Variants in KIAA1671 observed in about 807,000 individuals in gnomAD.
The protein encoded by KIAA1671 is KIAA1671.
In KIAA1671, 52 loss-of-function variants were observed where a neutral mutation model predicts 131.2. The ratio of observed to expected loss-of-function variants is 0.40; its 90% CI spans 0.32 to 0.50. KIAA1671 has a LOEUF of 0.50. Ranked by LOEUF, KIAA1671 falls within the 20% of genes least tolerant of loss-of-function variation. The pLI is 0.73. For missense variants in KIAA1671, 2,360 were observed against 2,364.2 expected (o/e 1.00, Z 0.04); for synonymous variants, 1,003 against 961.6 (o/e 1.04, Z -0.80).
rs1362066924 is a variant in KIAA1671 at position 25,029,085 on chromosome 22, G to C, written c.1086G>C (p.Pro362=). 6.7e-7 allele frequency: 1 copy of C among 1,494,628 alleles called. No homozygotes were observed. Among genetic ancestry groups the C allele is most frequent in the Non-Finnish European group, 8.9e-7 (1 of 1,119,798 alleles). 92.6% of individuals were successfully genotyped at this position (1,494,628 alleles called of 1,614,324 possible). A position where few individuals can be genotyped will look rare whatever the true frequency, so the allele number is the denominator to read the frequency against. The change falls in exon 3 of 13, where the codon CCG becomes CCC. Residue 362 remains proline (P), a synonymous_variant. Coordinates refer to ENST00000358431, the MANE Select transcript of KIAA1671 (RefSeq NM_001145206.2). The part of the protein sequence containing the change: ...RERKEKMLSK[P]EMGSPRALVG... ...GGAAGGAGAAGATGCTTTCGAAGCCGGAGATGGGCAGCCCCAGAGCCCTGG... is the reference window on the plus strand; with the variant it reads ...GGAAGGAGAAGATGCTTTCGAAGCCCGAGATGGGCAGCCCCAGAGCCCTGG...
intron 6 of KIAA1671, among the ~76,000 whole-genome samples, chr22:25,153,369 G>A (rs1933113379): frequency 6.6e-6 from 1 of 152,174 alleles, no homozygotes; most frequent in Non-Finnish European, 1.5e-5. Flanking sequence ...ATGGAATGGG[G>A]TGCTACTGAC....
intron 6 of KIAA1671, chr22:25,052,331 T>G (rs1203208968): frequency 6.6e-6 from 1 of 152,270 alleles, no homozygotes; most frequent in African/African-American, 2.4e-5. Flanking sequence ...CTGATTTGCA[T>G]AGCCCTGCCC....
At chr22:25,045,921 A>G (rs1927202025) in intron 5 of KIAA1671, among the ~76,000 whole-genome samples, 3 of 151,650 alleles carry the variant, frequency 2.0e-5, no homozygotes, top group Non-Finnish European at 2.9e-5. Context: ...GTTGCGAAGT[A>G]TTGTATTATG....
At chr22:25,098,818 C>G (rs911524067) in intron 6 of KIAA1671, among the ~76,000 whole-genome samples, 5 of 152,220 alleles carry the variant, frequency 3.3e-5, no homozygotes, top group Non-Finnish European at 7.3e-5. Context: ...GCCCCATTCC[C>G]TGCCCTCTCC....
chr22:25,093,837 T>TCTCTCTCTCTCC, intron 6 of KIAA1671, among the ~76,000 whole-genome samples: 1 of 71,328 alleles, frequency 1.4e-5, no homozygotes, highest in African/African-American at 6.4e-5. Flanking sequence ...TCTCTCTGTC[T>TCTCTCTCTCTCC]GTCTCTCTCT....
intron 5 of KIAA1671, among the ~76,000 whole-genome samples, chr22:25,043,932 C>T (rs913487677): frequency 1.3e-5 from 2 of 152,214 alleles, no homozygotes; most frequent in South Asian, 4.1e-4. Context: ...TCCCTGCACC[C>T]GAGTTTTCTT....
intron 6 of KIAA1671, among the ~76,000 whole-genome samples, chr22:25,130,495 A>G (rs1425806564): frequency 6.6e-6 from 1 of 152,246 alleles, no homozygotes; most frequent in Admixed American, 6.5e-5. Context: ...ATATAAATGT[A>G]TGAGATACAA....
At chr22:25,149,328 A>C (rs986681831) in intron 6 of KIAA1671, among the ~76,000 whole-genome samples, 1 of 152,208 alleles carries the variant, frequency 6.6e-6, no homozygotes, top group African/African-American at 2.4e-5. Context: ...CATGGTCTGC[A>C]TCTGACGTCC....
intron 1 of KIAA1671, among the ~76,000 whole-genome samples, chr22:24,959,663 A>G (rs1332556072): frequency 6.6e-6 from 1 of 152,224 alleles, no homozygotes; most frequent in East Asian, 1.9e-4. Context: ...GAAAAATTCA[A>G]AAGATCACCT....
intron 7 of KIAA1671, among the ~76,000 whole-genome samples, chr22:25,172,331 C>A (rs978444135): frequency 6.6e-6 from 1 of 152,166 alleles, no homozygotes; most frequent in African/African-American, 2.4e-5. Flanking sequence ...ATGCAACTTC[C>A]CCTCCTCGGG....
chr22:25,176,431 A>T (rs1279449913), intron 8 of KIAA1671: 1 of 152,218 alleles, frequency 6.6e-6, no homozygotes. Context: ...GCTTGCCGGA[A>T]AGAGCTCTTG....
intron 11 of KIAA1671, among the ~76,000 whole-genome samples, chr22:25,189,141 T>G (rs564506302): frequency 0.024 from 3,585 of 149,462 alleles, 50 homozygotes; most frequent in Non-Finnish European, 0.04. Context: ...TTTTTTTTTT[T>G]TTTTGTTTTG....
chr22:24,980,530 A>G (rs1923175570), intron 1 of KIAA1671, among the ~76,000 whole-genome samples: 4 of 151,846 alleles, frequency 2.6e-5, no homozygotes, highest in Admixed American at 2.6e-4. Flanking sequence ...TTGGCCTCCC[A>G]TAGTGCTAGG....
chr22:24,979,667 T>C (rs2123827379), intron 1 of KIAA1671, among the ~76,000 whole-genome samples: 1 of 152,242 alleles, frequency 6.6e-6, no homozygotes, highest in South Asian at 2.1e-4. Flanking sequence ...TTAAGTTTAC[T>C]CCCGTTTGGT....
At chr22:25,151,606 A>AT (rs1391951446) in intron 6 of KIAA1671, among the ~76,000 whole-genome samples, 1 of 151,492 alleles carries the variant, frequency 6.6e-6, no homozygotes, top group Non-Finnish European at 1.5e-5. Flanking sequence ...TAATTTTTGT[A>AT]TTTTTAGTAG....
At chr22:25,162,412 G>A (rs1933477124) in intron 6 of KIAA1671, among the ~76,000 whole-genome samples, 1 of 152,214 alleles carries the variant, frequency 6.6e-6, no homozygotes, top group South Asian at 2.1e-4. Flanking sequence ...TCTGTCAGCT[G>A]TGTGCCACCG....
At position 25,029,004 on chromosome 22, in the gene KIAA1671, T is replaced by A; in HGVS notation, c.1005T>A (p.Ala335=). The change falls in exon 3 of 13, where the codon GCT becomes GCA. Residue 335 remains alanine (A), a synonymous_variant. Coordinates refer to ENST00000358431, the MANE Select transcript of KIAA1671 (RefSeq NM_001145206.2). ...LDRDCLVKAE[A]PLHDPDLDFL... ...GGGACTGTTTGGTCAAGGCGGAGGC[T>A]CCTCTTCATGATCCTGATTTGGACT... 2.0e-6 allele frequency: 3 copies of A among 1,509,816 alleles called. No individual in the cohort carries two copies. Among genetic ancestry groups the A allele is most frequent in the Non-Finnish European group, 2.7e-6 (3 of 1,128,210 alleles). 93.5% of individuals were successfully genotyped at this position (1,509,816 alleles called of 1,614,324 possible). A position where few individuals can be genotyped will look rare whatever the true frequency, so the allele number is the denominator to read the frequency against.
At chr22:24,979,650 A>G (rs928458903) in intron 1 of KIAA1671, among the ~76,000 whole-genome samples, 20 of 152,216 alleles carry the variant, frequency 1.3e-4, no homozygotes, top group South Asian at 6.2e-4. Context: ...CGCCCGGCCA[A>G]TAATTTTTAA....
intron 6 of KIAA1671, among the ~76,000 whole-genome samples, chr22:25,096,264 C>T (rs1252828421): frequency 1.3e-5 from 2 of 152,220 alleles, no homozygotes; most frequent in Non-Finnish European, 2.9e-5. Flanking sequence ...CACACAGGGC[C>T]TTGAGGCTCC....
Sources: gnomAD v4.1 joint callset for allele counts (sites outside exome capture counted in the v4.1 genomes callset) on GRCh38, gnomAD v4.1.1 for gene constraint, MANE v1.5 for transcripts, NCBI Gene and HGNC (gene_info 2026-07-23, HGNC 2026-07-21) for gene names.